The following OIT3 variants were observed in gnomAD, a reference collection of about 807,000 sequenced individuals.
OIT3 encodes oncoprotein-induced transcript 3 protein.
A neutral mutation model predicts 52.2 loss-of-function variants in OIT3; 41 were observed. The observed-to-expected ratio is 0.79, with a 90% CI of 0.61 to 1.02. The LOEUF (loss-of-function observed/expected upper bound fraction) is 1.02, where lower values mean the gene tolerates loss of function less well. Ranked by LOEUF, OIT3 falls within the 50% of genes least tolerant of loss-of-function variation. The pLI is 0.00. For synonymous variants in OIT3, 244 were observed against 276.9 expected (o/e 0.88, Z 1.18); for missense variants, 634 against 715.5 (o/e 0.89, Z 1.30).
chr10:72,924,808 G>A (rs1370791325), intron 7 of OIT3, among the ~76,000 whole-genome samples, 164 bp downstream of exon 7: 1 of 152,026 alleles, frequency 6.6e-6, no homozygotes, highest in Non-Finnish European at 1.5e-5. Context: ...GTGAGGGAGA[G>A]GAGAGTCAAA....
chr10:72,929,360 G>GA (rs1428257189), intron 7 of OIT3, among the ~76,000 whole-genome samples: 5,977 of 138,084 alleles, frequency 0.043, 374 homozygotes, highest in African/African-American at 0.14. Flanking sequence ...ACTATGTCCA[G>GA]AAAAAAAAAA....
At chr10:72,925,645 C>T (rs779240366) in intron 7 of OIT3, among the ~76,000 whole-genome samples, 1 of 152,192 alleles carries the variant, frequency 6.6e-6, no homozygotes, top group Non-Finnish European at 1.5e-5. Flanking sequence ...CAGGGTCTTG[C>T]TCTGTCACCC....
At chr10:72,917,107 G>A (rs1846079393) in intron 6 of OIT3, among the ~76,000 whole-genome samples, 1 of 151,950 alleles carries the variant, frequency 6.6e-6, no homozygotes. Context: ...CCATTCTGTA[G>A]GTTGTCTGTT....
At chr10:72,906,450 G>A in intron 3 of OIT3, 146 bp from the exon 4 acceptor site, 1 of 812,866 alleles carries the variant, frequency 1.2e-6, no homozygotes, top group Non-Finnish European at 2.0e-6. Context: ...CAGGTGGATG[G>A]GAGTGATGAT....
intron 6 of OIT3, among the ~76,000 whole-genome samples, chr10:72,916,092 C>T (rs1401794978): frequency 1.3e-5 from 2 of 152,126 alleles, no homozygotes; most frequent in Non-Finnish European, 2.9e-5. Context: ...CTACTCTCAT[C>T]GCACTCATCC....
intron 1 of OIT3, among the ~76,000 whole-genome samples, chr10:72,897,789 C>T (rs1435041305): frequency 1.3e-5 from 2 of 152,212 alleles, no homozygotes; most frequent in Non-Finnish European, 2.9e-5. Context: ...CGTGCTTTCC[C>T]ATAATTCATT....
At chr10:72,904,927 G>C (rs1470918907) in intron 3 of OIT3, among the ~76,000 whole-genome samples, 2 of 152,188 alleles carry the variant, frequency 1.3e-5, no homozygotes, top group East Asian at 3.8e-4. Flanking sequence ...GAGCATCTGG[G>C]GAGGGCCTCA....
chr10:72,923,696 T>A (rs999681124), intron 6 of OIT3, among the ~76,000 whole-genome samples: 2 of 152,162 alleles, frequency 1.3e-5, no homozygotes, highest in Non-Finnish European at 2.9e-5. Context: ...ATTTGGGAGA[T>A]CTCACTCATC....
At chr10:72,897,609 G>C (rs1236357611) in intron 1 of OIT3, among the ~76,000 whole-genome samples, 1 of 152,072 alleles carries the variant, frequency 6.6e-6, no homozygotes, top group African/African-American at 2.4e-5. Context: ...TTTCTTTTCA[G>C]TGGAATGAGC....
chr10:72,906,896 T>C (rs1485817902), intron 4 of OIT3, among the ~76,000 whole-genome samples, 178 bp downstream of exon 4: 1 of 152,186 alleles, frequency 6.6e-6, no homozygotes, highest in African/African-American at 2.4e-5. Context: ...GAATTCAGTT[T>C]TGATTTTGTC....
rs1460264798 is a variant in OIT3 at position 72,927,432 on chromosome 10, G to A, written c.1367+2788G>A. 3.9e-5 allele frequency among the ~76,000 whole-genome samples: 6 copies of A among 152,044 alleles called. No homozygotes were observed. In the East Asian group the frequency reaches 5.8e-4, roughly 15 times the overall value. ...TGGGATTACAAACGTGAGCCACCAC[G>A]CCCAACCATATTTACTTTTATTTTA... On this transcript the variant is annotated intron_variant, in intron 7 of 8. Transcript: ENST00000334011.
intron 6 of OIT3, chr10:72,918,120 G>C: frequency 7.2e-7 from 1 of 1,398,094 alleles, no homozygotes; most frequent in Non-Finnish European, 1.0e-6. Flanking sequence ...CTGCTTTCCA[G>C]TTATACTTAA....
chr10:72,899,154 T>G (rs945699097), intron 2 of OIT3, 116 bp downstream of exon 2: 8 of 877,686 alleles, frequency 9.1e-6, no homozygotes, highest in Non-Finnish European at 1.2e-5. Context: ...CTGAACAACA[T>G]TGATGTGGGG....
chr10:72,896,797 T>C (rs1473364371), intron 1 of OIT3, among the ~76,000 whole-genome samples: 3 of 152,204 alleles, frequency 2.0e-5, no homozygotes, highest in African/African-American at 7.2e-5. Context: ...ATTTCCTGCC[T>C]ATGATATCAG....
intron 5 of OIT3, among the ~76,000 whole-genome samples, chr10:72,912,595 G>T (rs1846039140): frequency 6.6e-6 from 1 of 152,000 alleles, no homozygotes; most frequent in Non-Finnish European, 1.5e-5. Flanking sequence ...TTGATGTCCA[G>T]AATATTCATT....
chr10:72,909,117 C>CTTTT, intron 4 of OIT3, among the ~76,000 whole-genome samples: 1 of 111,760 alleles, frequency 8.9e-6, no homozygotes. Flanking sequence ...TTCCCAGTGT[C>CTTTT]TTTTTTTTTT....
chr10:72,910,341 C>T (rs1463047360), intron 4 of OIT3, among the ~76,000 whole-genome samples: 1 of 152,094 alleles, frequency 6.6e-6, no homozygotes, highest in Non-Finnish European at 1.5e-5. Context: ...TCTAGGTGTG[C>T]TTTTATCCTT....
rs148711896 is a variant in OIT3, at chr10:72,898,952, C to A, written c.350C>A (p.Thr117Asn). 8.7e-6 allele frequency: 14 copies of A among 1,614,040 alleles called. No individual in the cohort carries two copies. Among genetic ancestry groups the A allele is most frequent in the Non-Finnish European group, 1.2e-5 (14 of 1,180,026 alleles). ...SFNGNCCLWNTTVEVKACPGG... is the reference protein window; with the variant it reads ...SFNGNCCLWNNTVEVKACPGG... ...AATGGGAACTGCTGTCTCTGGAACA[C>A]CACGGTGGAAGTCAAGGCTTGCCCT... The change falls in exon 2 of 9, where the codon ACC (threonine) becomes AAC (asparagine). Residue 117 changes from threonine to asparagine, a missense_variant. Transcript: ENST00000334011.
chr10:72,917,471 CA>C (rs1336461782), intron 6 of OIT3, among the ~76,000 whole-genome samples: 1 of 152,114 alleles, frequency 6.6e-6, no homozygotes, highest in Non-Finnish European at 1.5e-5. Flanking sequence ...AAAAACTAAA[CA>C]GGCATTTTGG....
Sources: gnomAD v4.1 joint callset for allele counts (sites outside exome capture counted in the v4.1 genomes callset) on GRCh38, gnomAD v4.1.1 for gene constraint, MANE v1.5 for transcripts, NCBI Gene and HGNC (gene_info 2026-07-23, HGNC 2026-07-21) for gene names.